RFX4: variants seen among roughly 807,000 people sequenced by gnomAD.
RFX4 encodes transcription factor RFX4.
In RFX4, 10 loss-of-function variants were observed where a neutral mutation model predicts 95.0. The observed-to-expected ratio is 0.11, with a 90% CI of 0.06 to 0.18. The LOEUF (loss-of-function observed/expected upper bound fraction) is 0.18. Ranked by LOEUF, RFX4 falls within the 10% of genes least tolerant of loss-of-function variation. The pLI, the probability that RFX4 is intolerant of heterozygous loss-of-function variation, is 1.00. For synonymous variants in RFX4, 321 were observed against 340.7 expected (o/e 0.94, Z 0.64); for missense variants, 640 against 922.0 (o/e 0.69, Z 3.96).
chr12:106,663,199 C>T (rs2041110006), intron 4 of RFX4, among the ~76,000 whole-genome samples: 1 of 152,006 alleles, frequency 6.6e-6, no homozygotes, highest in South Asian at 2.1e-4. Context: ...ATTATGGAAT[C>T]TCTATTTTTA....
chr12:106,659,228 T>G (rs1398737155), intron 4 of RFX4, among the ~76,000 whole-genome samples: 5 of 152,172 alleles, frequency 3.3e-5, no homozygotes, highest in Non-Finnish European at 7.4e-5. Context: ...CTAGCCCAGC[T>G]GGGGTCTGGC....
At chr12:106,613,591 T>C (rs1316285963) in intron 2 of RFX4, among the ~76,000 whole-genome samples, 1 of 152,172 alleles carries the variant, frequency 6.6e-6, no homozygotes, top group Non-Finnish European at 1.5e-5. Context: ...CTCCAACTCC[T>C]GACTTCAGGT....
chr12:106,720,719 G>T lies in RFX4; in HGVS notation c.1234-40G>T. On this transcript the variant is annotated intron_variant, in intron 12 of 17. Coordinates refer to ENST00000392842, the MANE Select transcript of RFX4 (RefSeq NM_213594.3). This position sits in a 1 kb window ranked among gnomAD's most constrained non-coding sequence, Gnocchi z 4.2. Reference sequence around the variant, plus strand: ...TCAAAGAGACAGTAATAAATGAAAGGTCAAGTCGACCACTATTAAAGCCAT... The same window carrying T: ...TCAAAGAGACAGTAATAAATGAAAGTTCAAGTCGACCACTATTAAAGCCAT... The T allele has an allele frequency of 2.5e-6, 4 of 1,576,172 alleles. No individual in the cohort carries two copies. Among genetic ancestry groups the T allele is most frequent in the Non-Finnish European group, 3.5e-6 (4 of 1,145,706 alleles).
intron 17 of RFX4, among the ~76,000 whole-genome samples, chr12:106,754,024 A>G (rs2043062225): frequency 6.6e-6 from 1 of 152,200 alleles, no homozygotes. Flanking sequence ...GGCTGTAATT[A>G]CATCAGCTGT....
intron 5 of RFX4, chr12:106,683,729 A>C (rs2041581203): frequency 6.6e-6 from 1 of 152,156 alleles, no homozygotes; most frequent in Non-Finnish European, 1.5e-5. Flanking sequence ...TGGCTCCGAT[A>C]GCTTGTTGCT....
rs1227404377 is a variant in RFX4 at position 106,760,624 on chromosome 12, C to A, written c.1936-573C>A. Among the ~76,000 whole-genome samples the A allele has an allele frequency of 2.6e-5, 4 of 152,134 alleles. No homozygotes were observed. The East Asian group carries it at 7.7e-4, about 29-fold the overall frequency. On this transcript the variant is annotated intron_variant, in intron 17 of 17. Transcript: ENST00000392842. ...TCTAAATGATAGGCACTAATAATAACCTTCGAAATTGTTGACTTGCTTCCT... is the reference window on the plus strand; with the variant it reads ...TCTAAATGATAGGCACTAATAATAAACTTCGAAATTGTTGACTTGCTTCCT...
intron 13 of RFX4, among the ~76,000 whole-genome samples, chr12:106,727,768 C>T (rs957850982): frequency 1.2e-4 from 18 of 152,090 alleles, no homozygotes; most frequent in African/African-American, 2.7e-4. Flanking sequence ...TACAGGTGCG[C>T]GCCACCACAC....
At chr12:106,619,413 T>G (rs2040135236) in intron 2 of RFX4, among the ~76,000 whole-genome samples, 1 of 152,204 alleles carries the variant, frequency 6.6e-6, no homozygotes, top group Admixed American at 6.5e-5. Context: ...ATCATTCCAC[T>G]GTCTTCTGGG....
At chr12:106,643,714 T>C (rs780234004) in intron 3 of RFX4, among the ~76,000 whole-genome samples, 2 of 152,192 alleles carry the variant, frequency 1.3e-5, no homozygotes, top group Admixed American at 6.5e-5. Flanking sequence ...CTTCTTCTTT[T>C]GCTAGCTTAA....
chr12:106,610,560 T>C (rs1421515265), intron 2 of RFX4, among the ~76,000 whole-genome samples: 2 of 152,250 alleles, frequency 1.3e-5, no homozygotes, highest in African/African-American at 4.8e-5. Flanking sequence ...TGAAGTCATA[T>C]GGTGTTTGTC....
At chr12:106,676,564 A>G (rs1427756837) in intron 4 of RFX4, among the ~76,000 whole-genome samples, 1 of 152,224 alleles carries the variant, frequency 6.6e-6, no homozygotes, top group Non-Finnish European at 1.5e-5. Context: ...TTTATTAAGC[A>G]GGAGCATTTC....
intron 1 of RFX4, among the ~76,000 whole-genome samples, chr12:106,605,966 T>C (rs1267885252): frequency 6.6e-6 from 1 of 152,170 alleles, no homozygotes; most frequent in Non-Finnish European, 1.5e-5. Flanking sequence ...CTCTCTCCAG[T>C]GTGGGATTGC....
In RFX4 at chr12:106,747,521, C is replaced by T. The variant is rs891632167; in HGVS notation, c.1718C>T (p.Pro573Leu). Residue 573 changes from proline to leucine, a missense_variant, in exon 16 of 18, where the codon CCC (proline) becomes CTC (leucine). Physicochemically the swap from Pro to Leu is moderately conservative, Grantham distance 98 (BLOSUM62 -3). This residue lies in a region of RFX4 where 300 missense variants were observed against 346.8 expected (regional missense o/e 0.87). Coordinates refer to ENST00000392842, the MANE Select transcript of RFX4 (RefSeq NM_213594.3). ...CCAGCTGAGAACTCCCAACAGCTGC[C>T]CTGTATGAGGAACACTCATGTGCCT... ...GSPAENSQQL[P>L]CMRNTHVPSS... The T allele has an allele frequency of 1.2e-6, 2 of 1,614,082 alleles. No individual in the cohort carries two copies. The highest frequency in any genetic ancestry group is 4.5e-5 in the East Asian group (2 of 44,880).
chr12:106,704,904 C>A (rs535720896), intron 8 of RFX4, among the ~76,000 whole-genome samples: 1 of 152,088 alleles, frequency 6.6e-6, no homozygotes, highest in South Asian at 2.1e-4. Context: ...GACTGAGGAC[C>A]AAGCCTGAAA....
intron 7 of RFX4, among the ~76,000 whole-genome samples, chr12:106,695,526 A>G (rs568292351): frequency 5.3e-5 from 8 of 152,174 alleles, no homozygotes; most frequent in Non-Finnish European, 1.2e-4. Context: ...AATGTGGCTC[A>G]AGTTCCTGCT....
At chr12:106,715,602 T>C (rs963835957) in intron 11 of RFX4, 58 bp downstream of exon 11, 26 of 1,592,186 alleles carry the variant, frequency 1.6e-5, no homozygotes, top group Non-Finnish European at 2.2e-5. Flanking sequence ...AAAGAAAAAG[T>C]GTCTTAGTAA....
intron 1 of RFX4, among the ~76,000 whole-genome samples, chr12:106,603,751 C>T (rs2039762869): frequency 6.6e-6 from 1 of 152,202 alleles, no homozygotes; most frequent in African/African-American, 2.4e-5. Context: ...CAGCATTGAT[C>T]ACAGTCTGCC....
At chr12:106,601,408 G>C in intron 1 of RFX4, 1 of 1,504,410 alleles carries the variant, frequency 6.6e-7, no homozygotes, top group Non-Finnish European at 9.0e-7. Context: ...GGGGGAACTG[G>C]GGCCAGGCCC....
chr12:106,692,844 G>A (rs2041810043), intron 7 of RFX4, among the ~76,000 whole-genome samples: 1 of 152,190 alleles, frequency 6.6e-6, no homozygotes, highest in Admixed American at 6.5e-5. Context: ...ATAGTAGGAA[G>A]ACATCATTAT....
Sources: allele counts gnomAD v4.1 joint callset (sites outside exome capture counted in the v4.1 genomes callset), GRCh38; gene constraint gnomAD v4.1.1; regional missense constraint gnomAD v4.1.1; non-coding constraint Gnocchi (gnomAD v3.1); transcripts MANE v1.5; gene names NCBI Gene and HGNC (gene_info 2026-07-23, HGNC 2026-07-21).